TUSC3: variants seen among roughly 807,000 people sequenced by gnomAD.
TUSC3 encodes dolichyl-diphosphooligosaccharide--protein glycosyltransferase subunit TUSC3.
In TUSC3, 45 loss-of-function variants were observed where a neutral mutation model predicts 44.8. The observed-to-expected ratio is 1.00, with a 90% confidence interval of 0.79 to 1.29. The LOEUF is 1.29. Ranked by LOEUF, TUSC3 falls within the 50% of genes most tolerant of loss-of-function variation. The pLI, the probability that TUSC3 is intolerant of heterozygous loss-of-function variation, is 0.00. For missense variants in TUSC3, 519 were observed against 437.9 expected, an observed-to-expected ratio of 1.19 and a Z score of -1.65; for synonymous variants, 212 against 152.9, an observed-to-expected ratio of 1.39 and a Z score of -2.85.
At chr8:15,819,597 C>G in the TUSC3 span, among the ~76,000 whole-genome samples, 1 of 152,152 alleles carries the variant, frequency 6.6e-6, no homozygotes, top group Non-Finnish European at 1.5e-5. Flanking sequence ...AGCAAATAAT[C>G]TCTTGTAATA....
intron 1 of TUSC3, among the ~76,000 whole-genome samples, chr8:15,609,961 C>G (rs1030788306): frequency 2.0e-5 from 3 of 152,048 alleles, no homozygotes; most frequent in Non-Finnish European, 4.4e-5. Flanking sequence ...CTAGTCACCA[C>G]ATTTCATTTT....
At chr8:15,492,425 G>A (rs1216966003) in intron 2 of TUSC3, among the ~76,000 whole-genome samples, 5 of 151,984 alleles carry the variant, frequency 3.3e-5, no homozygotes, top group Non-Finnish European at 5.9e-5. Flanking sequence ...AGTTCTAGAA[G>A]GCAAGATTAA....
chr8:15,456,522 A>T (rs1800258559), intron 1 of TUSC3, among the ~76,000 whole-genome samples: 2 of 152,192 alleles, frequency 1.3e-5, no homozygotes, highest in South Asian at 4.1e-4. Flanking sequence ...GCTGTTACGA[A>T]GTTAAACTAA....
At chr8:15,621,561 A>C (rs1004270043) in intron 1 of TUSC3, among the ~76,000 whole-genome samples, 3 of 147,828 alleles carry the variant, frequency 2.0e-5, no homozygotes, top group Non-Finnish European at 3.0e-5. Context: ...AGTTATATAT[A>C]TATATTTAAC....
intron 2 of TUSC3, among the ~76,000 whole-genome samples, chr8:15,640,560 G>T (rs573489308): frequency 1.2e-4 from 19 of 152,246 alleles, no homozygotes; most frequent in African/African-American, 4.6e-4. Context: ...TTTTTATTTA[G>T]TTTTTCAGAT....
intron 6 of TUSC3, among the ~76,000 whole-genome samples, chr8:15,682,526 C>T (rs1808468264): frequency 6.6e-6 from 1 of 152,000 alleles, no homozygotes; most frequent in Admixed American, 6.6e-5. Context: ...GATCGTTTTC[C>T]ATTACTTTGA....
the TUSC3 span, among the ~76,000 whole-genome samples, chr8:15,801,641 C>T: frequency 0.03 from 4,616 of 152,100 alleles, 114 homozygotes; most frequent in Non-Finnish European, 0.045. Context: ...TGATCAAAAA[C>T]CCAGAGAAGC....
chr8:15,739,465 A>G (rs1015547515), intron 7 of TUSC3, among the ~76,000 whole-genome samples: 2 of 152,090 alleles, frequency 1.3e-5, no homozygotes, highest in Admixed American at 6.5e-5. Flanking sequence ...CTGCCCTGTT[A>G]ATAGGGAGTC....
At chr8:15,442,180 G>GTA (rs1317203843) in intron 1 of TUSC3, among the ~76,000 whole-genome samples, 22 of 151,844 alleles carry the variant, frequency 1.4e-4, no homozygotes, top group African/African-American at 4.8e-4. Flanking sequence ...GTCAAATATA[G>GTA]TATATATACG....
rs557606686 is a variant in TUSC3, at chr8:15,638,837, C to G, written c.309-11860C>G. ...CACTGTACCTGGCTGAGGACAAATA[C>G]TAGCATTACACTGATGATTATGATC... is the stretch of plus-strand genomic sequence containing the variant. On this transcript the variant is annotated intron_variant, in intron 2 of 10. Transcript: ENST00000503731. 4.6e-4 allele frequency among the ~76,000 whole-genome samples: 70 copies of G among 152,232 alleles called. 1 individual carries two copies. The South Asian group carries it at 0.013, about 29-fold the overall frequency.
intron 3 of TUSC3, 180 bp downstream of exon 3, chr8:15,650,994 C>T (rs1806877475): frequency 3.4e-6 from 1 of 295,226 alleles, no homozygotes; most frequent in East Asian, 5.1e-5. Flanking sequence ...TACACACACA[C>T]ACACACACAC....
intron 1 of TUSC3, among the ~76,000 whole-genome samples, chr8:15,421,318 A>C (rs1052926250): frequency 6.6e-6 from 1 of 152,100 alleles, no homozygotes; most frequent in African/African-American, 2.4e-5. Flanking sequence ...TTCTAATTGA[A>C]TTTCTACTAC....
intron 1 of TUSC3, among the ~76,000 whole-genome samples, chr8:15,477,047 T>A (rs1800585319): frequency 6.6e-6 from 1 of 152,184 alleles, no homozygotes; most frequent in Non-Finnish European, 1.5e-5. Context: ...TACTTACGAT[T>A]TTCCATCTGA....
At chr8:15,789,428 A>G in the TUSC3 span, among the ~76,000 whole-genome samples, 13 of 152,264 alleles carry the variant, frequency 8.5e-5, no homozygotes, top group Non-Finnish European at 1.0e-4. Flanking sequence ...TGTTTTTTTA[A>G]TTGTAGGTTC....
At chr8:15,826,597 A>C in the TUSC3 span, among the ~76,000 whole-genome samples, 18 of 152,176 alleles carry the variant, frequency 1.2e-4, no homozygotes, top group African/African-American at 3.4e-4. Flanking sequence ...CTTTTAAGGT[A>C]AAGTGCTGCT....
At chr8:15,604,234 T>G (rs1241834611) in intron 1 of TUSC3, among the ~76,000 whole-genome samples, 1 of 151,646 alleles carries the variant, frequency 6.6e-6, no homozygotes, top group African/African-American at 2.4e-5. Context: ...GGGTGCGTCT[T>G]TATACACATA....
At chr8:15,452,622 C>A (rs1177150049) in intron 1 of TUSC3, among the ~76,000 whole-genome samples, 1 of 152,178 alleles carries the variant, frequency 6.6e-6, no homozygotes, top group African/African-American at 2.4e-5. Flanking sequence ...AGACTTACGT[C>A]TGCCTTGCTT....
intron 1 of TUSC3, among the ~76,000 whole-genome samples, chr8:15,435,694 C>A (rs1007111831): frequency 1.3e-5 from 2 of 152,152 alleles, no homozygotes; most frequent in Non-Finnish European, 2.9e-5. Flanking sequence ...GAATAAAAAT[C>A]TCACCTTACA....
chr8:15,773,231 C>T, the TUSC3 span, among the ~76,000 whole-genome samples: 4 of 152,058 alleles, frequency 2.6e-5, no homozygotes, highest in South Asian at 2.1e-4. Context: ...TAAAGTAAAA[C>T]GAAGAATTTT....
Sources: allele counts gnomAD v4.1 joint callset (sites outside exome capture counted in the v4.1 genomes callset), GRCh38; gene constraint gnomAD v4.1.1; transcripts MANE v1.5; gene names NCBI Gene and HGNC (gene_info 2026-07-23, HGNC 2026-07-21).